The following RAPGEF5 variants were observed in gnomAD, a reference collection of about 807,000 sequenced individuals.
RAPGEF5 encodes the protein Rap guanine nucleotide exchange factor 5, also known as M-Ras-regulated GEF.
Under a neutral mutation model 125.2 loss-of-function variants are expected in RAPGEF5, and 65 were observed. The observed-to-expected ratio is 0.52, with a 90% confidence interval of 0.43 to 0.64. RAPGEF5 has a LOEUF of 0.64. Among genes scored for constraint, RAPGEF5 ranks in the 30% least tolerant of loss-of-function variants. The probability of loss-of-function intolerance (pLI) is 0.00; values close to 1 mark genes in which losing one functional copy is unlikely to be tolerated. For synonymous variants in RAPGEF5, 391 were observed against 385.9 expected, an observed-to-expected ratio of 1.01 and a Z score of -0.16; for missense variants, 958 against 1,048.1, an observed-to-expected ratio of 0.91 and a Z score of 1.19.
chr7:22,351,805 C>A (rs949089427), intron 1 of RAPGEF5, among the ~76,000 whole-genome samples: 1 of 152,166 alleles, frequency 6.6e-6, no homozygotes, highest in Non-Finnish European at 1.5e-5. Context: ...ATTTCTCAAT[C>A]AATAAAGTCA....
chr7:22,272,547 C>A (rs1306792131), intron 6 of RAPGEF5, among the ~76,000 whole-genome samples: 11 of 151,858 alleles, frequency 7.2e-5, no homozygotes, highest in African/African-American at 2.7e-4. Context: ...AATTTTGATG[C>A]CATGATAGAA....
chr7:22,167,434 G>A (rs929709292), intron 11 of RAPGEF5, among the ~76,000 whole-genome samples: 2 of 152,144 alleles, frequency 1.3e-5, no homozygotes. Flanking sequence ...ATTTATATTT[G>A]TGGGTAAAGA....
At chr7:22,341,511 T>C (rs1784128907) in intron 1 of RAPGEF5, among the ~76,000 whole-genome samples, 1 of 152,178 alleles carries the variant, frequency 6.6e-6, no homozygotes, top group Admixed American at 6.5e-5. Context: ...AACTCAAAAG[T>C]CCACAGTCCA....
At chr7:22,334,789 GAGGGTC>G (rs1783994005) in intron 1 of RAPGEF5, among the ~76,000 whole-genome samples, 1 of 152,214 alleles carries the variant, frequency 6.6e-6, no homozygotes, top group Non-Finnish European at 1.5e-5. Flanking sequence ...TTCAGTGGGT[GAGGGTC>G]AGGGAAACCC....
intron 17 of RAPGEF5, among the ~76,000 whole-genome samples, chr7:22,152,680 A>G (rs1159054163): frequency 1.3e-5 from 2 of 152,044 alleles, no homozygotes; most frequent in East Asian, 3.8e-4. Context: ...TTTTTTTTTG[A>G]CAAAAACAAA....
chr7:22,244,826 T>G, intron 7 of RAPGEF5, among the ~76,000 whole-genome samples: 1 of 152,180 alleles, frequency 6.6e-6, no homozygotes, highest in East Asian at 1.9e-4. Flanking sequence ...CTAATTTCAA[T>G]TCTTTTGAAT....
chr7:22,291,686 G>T (rs562618825), intron 5 of RAPGEF5, among the ~76,000 whole-genome samples: 3 of 152,096 alleles, frequency 2.0e-5, no homozygotes, highest in Admixed American at 2.0e-4. Context: ...ACTATAAAAC[G>T]GTATTATTAT....
Position 22,145,234 on chromosome 7 carries a change from T to C in RAPGEF5, c.2008-12A>G. On this transcript the variant is annotated splice_polypyrimidine_tract_variant and intron_variant, in intron 19 of 25. Coordinates refer to ENST00000665637, the MANE Select transcript of RAPGEF5 (RefSeq NM_012294.5). ...TAGATCAGCTCTTGCTGAAAGAAAA[T>C]GTATTCATGCCAGGGTTTATTTATA... The C allele has an allele frequency of 6.2e-7, 1 of 1,600,466 alleles. No individual in the cohort carries two copies. The highest frequency in any genetic ancestry group is 8.5e-7 in the Non-Finnish European group (1 of 1,172,168).
chr7:22,167,074 T>G lies in RAPGEF5; in HGVS notation c.1279A>C (p.Arg427=). The G allele has an allele frequency of 5.6e-6, 9 of 1,610,408 alleles. No individual in the cohort carries two copies. The highest frequency in any genetic ancestry group is 7.6e-6 in the Non-Finnish European group (9 of 1,176,964). Residue 427 remains arginine, a synonymous_variant, in exon 12 of 26, where the codon AGG becomes CGG. Coordinates refer to ENST00000665637, the MANE Select transcript of RAPGEF5 (RefSeq NM_012294.5). ...CCTGAAGATAATGAAGGATATTGCC[T>G]TAACAGAGCCTGGCACAAGTCATCA... ...TTDDLCQALL[R]HYSAKKYQGK...
Position 22,193,088 on chromosome 7 carries a change from C to A in RAPGEF5, c.1204+279G>T, listed in dbSNP as rs1181277982. 2.5e-5 allele frequency: 13 copies of A among 517,620 alleles called. No individual in the cohort carries two copies. In the South Asian group the frequency reaches 3.7e-4, roughly 15 times the overall value. The allele number at this position is 517,620 out of a possible 1,614,324, so 32.1% of individuals were successfully genotyped here. Reference sequence around the variant, plus strand: ...TGAATGTTGGTCTCTTGCCAACTGCCTTTAGGTGAGATTTGGGAAAAATTG... The same window carrying A: ...TGAATGTTGGTCTCTTGCCAACTGCATTTAGGTGAGATTTGGGAAAAATTG... On this transcript the variant is annotated intron_variant, in intron 11 of 25. Transcript: ENST00000665637.
intron 9 of RAPGEF5, chr7:22,194,749 G>A: frequency 1.0e-6 from 1 of 985,440 alleles, no homozygotes; most frequent in Non-Finnish European, 1.2e-6. Context: ...TTAAAAAGGA[G>A]AGATGGCTGA....
intron 6 of RAPGEF5, among the ~76,000 whole-genome samples, chr7:22,280,311 G>A (rs760738270): frequency 2.0e-5 from 3 of 152,120 alleles, no homozygotes; most frequent in African/African-American, 7.2e-5. Flanking sequence ...CTCTCAAACC[G>A]TGGCTGAGCC....
chr7:22,245,604 A>G (rs1786455961), intron 7 of RAPGEF5, among the ~76,000 whole-genome samples: 1 of 152,116 alleles, frequency 6.6e-6, no homozygotes, highest in Non-Finnish European at 1.5e-5. Flanking sequence ...TGAAGGCACT[A>G]AGCCATATTT....
chr7:22,185,093 T>C (rs967969712), intron 11 of RAPGEF5, among the ~76,000 whole-genome samples: 10 of 152,218 alleles, frequency 6.6e-5, no homozygotes, highest in African/African-American at 2.4e-4. Context: ...TTGAGTTGAA[T>C]GTAGATTTTT....
In RAPGEF5 at chr7:22,118,411, GC is replaced by G. The variant is rs1187235712; in HGVS notation, c.*3994del. Reference sequence around the variant, plus strand: ...ATAAGTTTTAACCTTATATTGCTTGGCCATTTTTACATATAAATTATTGCTT... The same window carrying G: ...ATAAGTTTTAACCTTATATTGCTTGGCATTTTTACATATAAATTATTGCTT... On this transcript the variant is annotated 3_prime_UTR_variant, in exon 26 of 26. Transcript: ENST00000665637. 2 of 152,432 alleles carry G rather than the reference GC, an allele frequency of 1.3e-5. No homozygotes were observed. Among genetic ancestry groups the G allele is most frequent in the African/African-American group, 4.8e-5 (2 of 41,350 alleles). The allele number at this position is 152,432 out of a possible 1,614,324, so 9.4% of individuals were successfully genotyped here.
At chr7:22,265,802 T>C (rs1311723223) in intron 7 of RAPGEF5, among the ~76,000 whole-genome samples, 1 of 152,198 alleles carries the variant, frequency 6.6e-6, no homozygotes, top group Non-Finnish European at 1.5e-5. Context: ...CTCAATGTGA[T>C]TTTGATTTGC....
chr7:22,162,660 T>G (rs1784043632), intron 12 of RAPGEF5, 119 bp from the exon 13 acceptor site: 1 of 1,012,220 alleles, frequency 9.9e-7, no homozygotes, highest in Non-Finnish European at 1.5e-6. Flanking sequence ...GCAGGAAGAA[T>G]AGAATATGCG....
intron 5 of RAPGEF5, among the ~76,000 whole-genome samples, chr7:22,303,260 G>A (rs180860115): frequency 6.6e-6 from 1 of 152,180 alleles, no homozygotes; most frequent in African/African-American, 2.4e-5. Flanking sequence ...GCTGTCTGTT[G>A]GAAGGAGATA....
At chr7:22,138,353 G>A (rs10224896) in intron 21 of RAPGEF5, among the ~76,000 whole-genome samples, 53,185 of 152,082 alleles carry the variant, frequency 0.35, 9,361 homozygotes, top group Non-Finnish European at 0.37. Context: ...GCAGAGTTGA[G>A]CAGCTGCAAC....
Sources: allele counts gnomAD v4.1 joint callset (sites outside exome capture counted in the v4.1 genomes callset), GRCh38; gene constraint gnomAD v4.1.1; transcripts MANE v1.5; gene names NCBI Gene and HGNC (gene_info 2026-07-23, HGNC 2026-07-21).